The following DDB1 variants were observed in gnomAD, a reference collection of about 807,000 sequenced individuals.
DDB1 encodes damage specific DNA binding protein 1, also known as DNA damage-binding protein 1.
DDB1 carries 18 observed loss-of-function variants against 133.1 expected under a neutral mutation model. The observed-to-expected ratio is 0.14, with a 90% CI of 0.09 to 0.20. The LOEUF is 0.20. Ranked by LOEUF, DDB1 falls within the 10% of genes least tolerant of loss-of-function variation. DDB1 has a pLI of 1.00. For synonymous variants in DDB1, 580 were observed against 550.5 expected (o/e 1.05, Z -0.75); for missense variants, 828 against 1,459.2 (o/e 0.57, Z 7.05).
At chr11:61,310,941 G>A (rs1214156918) in intron 18 of DDB1, 1 of 152,308 alleles carries the variant, frequency 6.6e-6, no homozygotes, top group Non-Finnish European at 1.5e-5. Context: ...CTTTCCCAAG[G>A]TCACACAGCT....
rs1194461393 is a variant in DDB1, at chr11:61,311,309, AACATAACATAAC to A, written c.2277+463_2277+474del. 7.2e-3 allele frequency: 1,008 copies of A among 140,108 alleles called. 14 individuals carry two copies. The highest frequency in any genetic ancestry group is 0.036 in the South Asian group (168 of 4,720). The allele number at this position is 140,108 out of a possible 1,614,324, so 8.7% of individuals were successfully genotyped here. A position where few individuals can be genotyped will look rare whatever the true frequency, so the allele number is the denominator to read the frequency against. ...AACATAACATAACATAACATAACATAACATAACATAACACATAACATAACATAACATAACAAA... is the reference window on the plus strand; with the variant it reads ...AACATAACATAACATAACATAACATAACATAACATAACATAACATAACAAA... On this transcript the variant is annotated intron_variant, in intron 18 of 26. Coordinates refer to ENST00000301764, the MANE Select transcript of DDB1 (RefSeq NM_001923.5).
intron 2 of DDB1, among the ~76,000 whole-genome samples, chr11:61,331,030 A>T (rs1294811271): frequency 6.6e-6 from 1 of 152,222 alleles, no homozygotes; most frequent in Non-Finnish European, 1.5e-5. Context: ...CATCGTCACA[A>T]CAACCCAGGG....
rs1451306781 is a variant in DDB1, at chr11:61,314,067, T to C, written c.1733A>G (p.His578Arg). The stretch of plus-strand genomic sequence containing the variant: ...CATACCTCCACCCAGCATCTCCTTG[T>C]GCAGTAGTTCAAAAGAGGGCAACTT... ...ILKLPSFELL[H>R]KEMLGGEIIP... The change falls in exon 14 of 27, where the codon CAC becomes CGC. Residue 578 changes from histidine (H) to arginine (R), a missense_variant. Around this residue, in one of 7 missense-constraint regions of DDB1, gnomAD observed 396 missense variants for 554.1 expected, o/e 0.71. Coordinates refer to ENST00000301764, the MANE Select transcript of DDB1 (RefSeq NM_001923.5). The C allele has an allele frequency of 1.2e-6, 2 of 1,614,058 alleles. No individual in the cohort carries two copies. The highest frequency in any genetic ancestry group is 1.6e-4 in the Middle Eastern group (1 of 6,062).
chr11:61,300,616 C>T (rs537496465), intron 26 of DDB1, among the ~76,000 whole-genome samples, 193 bp downstream of exon 26: 1 of 152,336 alleles, frequency 6.6e-6, no homozygotes, highest in African/African-American at 2.4e-5. Context: ...CATCTGGTAC[C>T]TAGTGGGTAC....
At chr11:61,302,439 T>C in intron 24 of DDB1, 80 bp from the exon 25 acceptor site, 1 of 1,576,656 alleles carries the variant, frequency 6.3e-7, no homozygotes, top group African/African-American at 1.3e-5. Context: ...GCAGCCCAGG[T>C]GAGCAGCTCA....
Position 61,300,936 on chromosome 11 carries a change from G to T in DDB1, c.3216-4C>A, listed in dbSNP as rs1339675713. 1 of 1,614,026 alleles carries T rather than the reference G, an allele frequency of 6.2e-7. No individual in the cohort carries two copies. The highest frequency in any genetic ancestry group is 8.5e-7 in the Non-Finnish European group (1 of 1,180,032). On this transcript the variant is annotated splice_polypyrimidine_tract_variant and splice_region_variant and intron_variant, in intron 25 of 26. Coordinates refer to ENST00000301764, the MANE Select transcript of DDB1 (RefSeq NM_001923.5). ...CTCGGTGTGAAAGGATCTCCAGGTG[G>T]ATGGGTGAGTTAAGGAACACGTGCT... is the stretch of plus-strand genomic sequence containing the variant.
At chr11:61,302,864 T>TC in intron 23 of DDB1, 113 bp from the exon 24 acceptor site, 1 of 1,418,850 alleles carries the variant, frequency 7.0e-7, no homozygotes, top group South Asian at 1.3e-5. Context: ...GCTGACATAC[T>TC]CCACAGTAGG....
At chr11:61,305,324 T>G (rs758830040) in intron 21 of DDB1, among the ~76,000 whole-genome samples, 12 of 152,136 alleles carry the variant, frequency 7.9e-5, no homozygotes, top group Non-Finnish European at 1.5e-4. Context: ...CTGGCCAACG[T>G]GGTGAAACCC....
In DDB1 at chr11:61,325,678, A is replaced by T; in HGVS notation, c.695T>A (p.Ile232Asn). ...VPEPFGGAII[I>N]GQESITYHNG... ...GTGATAGGTGATTGACTCCTGTCCA[A>T]TGATGATGGCCCCCCCAAAGGGCTC... The change falls in exon 6 of 27, where the codon ATT (isoleucine) becomes AAT (asparagine). Residue 232 changes from isoleucine to asparagine, a missense_variant. By Grantham distance (149) the Ile-to-Asn change is moderately radical (BLOSUM62 -3). This residue lies in a region of DDB1 where 210 missense variants were observed against 344.8 expected (regional missense o/e 0.61). Transcript: ENST00000301764. 6.2e-7 allele frequency: 1 copy of T among 1,613,548 alleles called. No individual in the cohort carries two copies. Among genetic ancestry groups the T allele is most frequent in the Non-Finnish European group, 8.5e-7 (1 of 1,179,774 alleles).
chr11:61,309,103 G>T (rs376027507), intron 20 of DDB1, 26 bp from the exon 21 acceptor site: 3 of 1,603,428 alleles, frequency 1.9e-6, no homozygotes, highest in Non-Finnish European at 2.6e-6. Context: ...ATATGTTTGA[G>T]TCTCTATGAG....
At position 61,310,401 on chromosome 11, in the gene DDB1, T is replaced by C. The variant is rs575540605; in HGVS notation, c.2295A>G (p.Val765=). 1.2e-6 allele frequency: 2 copies of C among 1,611,666 alleles called. No individual in the cohort carries two copies. The highest frequency in any genetic ancestry group is 4.5e-5 in the East Asian group (2 of 44,864). The change falls in exon 19 of 27, where the codon GTA becomes GTG. Residue 765 remains valine, a synonymous_variant. Transcript: ENST00000301764. ...TGCTGGAGAACAGCTTGCTGGAGCTTACACTGCTGGACAGAGCCTGCAAAC... is the reference window on the plus strand; with the variant it reads ...TGCTGGAGAACAGCTTGCTGGAGCTCACACTGCTGGACAGAGCCTGCAAAC... ...SASTQALSSS[V]SSSKLFSSST...
chr11:61,316,476 C>T lies in DDB1; in HGVS notation c.1301+16G>A, dbSNP rs1483883959. The T allele has an allele frequency of 3.1e-6, 5 of 1,614,048 alleles. No individual in the cohort carries two copies. Among genetic ancestry groups the T allele is most frequent in the African/African-American group, 2.7e-5 (2 of 74,916 alleles). ...TTCTCACCAGCACCTACAGCTGGCACTAGACCCATCCTTACCTTGTCTGGC... is the reference window on the plus strand; with the variant it reads ...TTCTCACCAGCACCTACAGCTGGCATTAGACCCATCCTTACCTTGTCTGGC... On this transcript the variant is annotated intron_variant, in intron 11 of 26. Transcript: ENST00000301764.
At chr11:61,326,446 T>C (rs914897384) in intron 5 of DDB1, among the ~76,000 whole-genome samples, 3 of 152,098 alleles carry the variant, frequency 2.0e-5, no homozygotes, top group African/African-American at 7.2e-5. Context: ...CCTGGCTTCC[T>C]TTCAGTTTTA....
intron 20 of DDB1, 91 bp downstream of exon 20, chr11:61,309,705 G>T: frequency 7.1e-7 from 1 of 1,407,220 alleles, no homozygotes; most frequent in Non-Finnish European, 9.7e-7. Flanking sequence ...TTCTTCTACT[G>T]CTTAACTGAG....
At chr11:61,306,654 C>T (rs996919669) in intron 21 of DDB1, among the ~76,000 whole-genome samples, 1 of 152,196 alleles carries the variant, frequency 6.6e-6, no homozygotes, top group Non-Finnish European at 1.5e-5. Context: ...CTTCCTGAAT[C>T]TCGTGTCCTC....
chr11:61,329,309 A>T (rs1257574156), intron 4 of DDB1, 54 bp downstream of exon 4: 1 of 1,551,118 alleles, frequency 6.4e-7, no homozygotes, highest in African/African-American at 1.4e-5. Flanking sequence ...TAGCAAAAAC[A>T]ACTCCTATCA....
At chr11:61,313,455 C>A (rs754953337) in intron 16 of DDB1, 44 bp downstream of exon 16, 2 of 1,542,526 alleles carry the variant, frequency 1.3e-6, no homozygotes, top group East Asian at 2.2e-5. Context: ...CATCATGACC[C>A]CCTCAATCAA....
At chr11:61,317,100 T>C (rs1403332105) in intron 10 of DDB1, among the ~76,000 whole-genome samples, 1 of 147,734 alleles carries the variant, frequency 6.8e-6, no homozygotes, top group African/African-American at 2.6e-5. Flanking sequence ...AAAAGTTAAA[T>C]AGTTTTGTTT....
At chr11:61,321,992 C>T in intron 9 of DDB1, 1 of 536,284 alleles carries the variant, frequency 1.9e-6, no homozygotes, top group Non-Finnish European at 3.3e-6. Flanking sequence ...ACACCTGCCA[C>T]TTATTAAGTT....
Sources: gnomAD v4.1 joint callset for allele counts (sites outside exome capture counted in the v4.1 genomes callset) on GRCh38, gnomAD v4.1.1 for gene constraint, gnomAD v4.1.1 regional missense constraint, MANE v1.5 for transcripts, NCBI Gene and HGNC (gene_info 2026-07-23, HGNC 2026-07-21) for gene names.